PTPRG: variants seen among roughly 807,000 people sequenced by gnomAD.
PTPRG encodes the protein receptor-type tyrosine-protein phosphatase gamma.
Under a neutral mutation model 165.3 loss-of-function variants are expected in PTPRG, and 102 were observed. The ratio of observed to expected loss-of-function variants is 0.62; its 90% CI spans 0.53 to 0.73. The LOEUF is 0.73. PTPRG is among the 30% of genes least tolerant of loss of function. The pLI, the probability that PTPRG is intolerant of heterozygous loss-of-function variation, is 0.00. For synonymous variants in PTPRG, 675 were observed against 669.5 expected (o/e 1.01, Z -0.13); for missense variants, 1,866 against 1,861.4 (o/e 1.00, Z -0.05).
At chr3:62,189,553 G>A (rs978217515) in intron 8 of PTPRG, among the ~76,000 whole-genome samples, 4 of 152,122 alleles carry the variant, frequency 2.6e-5, no homozygotes, top group African/African-American at 9.7e-5. Flanking sequence ...AAACCAGAAG[G>A]TCCTCCTCAC....
At chr3:62,036,983 G>GCACACACA (rs10587372) in intron 4 of PTPRG, among the ~76,000 whole-genome samples, 2,740 of 150,540 alleles carry the variant, frequency 0.018, 23 homozygotes, top group African/African-American at 0.036. Flanking sequence ...GCGCGCGCAC[G>GCACACACA]CACACACACA....
At chr3:62,197,078 G>T (rs1017705866) in intron 10 of PTPRG, among the ~76,000 whole-genome samples, 1 of 152,208 alleles carries the variant, frequency 6.6e-6, no homozygotes, top group Non-Finnish European at 1.5e-5. Flanking sequence ...GGGTTCTGGA[G>T]TGAGGACCTC....
intron 1 of PTPRG, among the ~76,000 whole-genome samples, chr3:61,662,968 T>A (rs1702707757): frequency 6.6e-6 from 1 of 151,994 alleles, no homozygotes; most frequent in African/African-American, 2.4e-5. Context: ...GATATGACTG[T>A]TTTCTTTAGT....
intron 1 of PTPRG, among the ~76,000 whole-genome samples, chr3:61,733,748 C>T (rs1284458660): frequency 1.3e-5 from 2 of 152,076 alleles, no homozygotes; most frequent in South Asian, 2.1e-4. Context: ...GTCTCATTTC[C>T]CTGTTCCTTC....
chr3:61,694,421 A>G (rs546739694), intron 1 of PTPRG, among the ~76,000 whole-genome samples: 44 of 152,344 alleles, frequency 2.9e-4, no homozygotes, highest in African/African-American at 1.0e-3. Context: ...TATGGGTATG[A>G]ATAAAAGTAC....
At chr3:62,231,095 C>A (rs1011451448) in intron 13 of PTPRG, 130 bp from the exon 14 acceptor site, 7 of 600,520 alleles carry the variant, frequency 1.2e-5, no homozygotes, top group African/African-American at 1.9e-5. Flanking sequence ...TTGAAAATGT[C>A]ACAGATGAGG....
At chr3:62,193,190 C>T (rs948029276) in intron 9 of PTPRG, among the ~76,000 whole-genome samples, 1 of 152,134 alleles carries the variant, frequency 6.6e-6, no homozygotes, top group African/African-American at 2.4e-5. Context: ...ACCATCTAGG[C>T]GCTTATGCAG....
chr3:61,669,102 TG>T (rs1702893179), intron 1 of PTPRG, among the ~76,000 whole-genome samples: 1 of 152,106 alleles, frequency 6.6e-6, no homozygotes. Context: ...GGGCCTTGAG[TG>T]AAGGATGCTG....
At position 62,242,229 on chromosome 3, in the gene PTPRG, T is replaced by C. The variant is rs567120101; in HGVS notation, c.2376-1578T>C. ...ATGTAGCTTAAGTCTGACTAACTTA[T>C]GTTCTTCACAAATTTAGGTAAAGGC... On this transcript the variant is annotated intron_variant, in intron 14 of 29. Transcript: ENST00000474889. Among the ~76,000 whole-genome samples the C allele has an allele frequency of 4.3e-4, 66 of 152,376 alleles. 1 individual carries two copies. The South Asian group carries it at 5.6e-3, about 13-fold the overall frequency.
chr3:61,943,859 T>C (rs1299619962), intron 2 of PTPRG, among the ~76,000 whole-genome samples: 1 of 152,172 alleles, frequency 6.6e-6, no homozygotes, highest in East Asian at 1.9e-4. Context: ...ATAGAGGTCA[T>C]CACCCTCCCT....
In PTPRG at chr3:62,214,894, G is replaced by A. The variant is rs1056858549; in HGVS notation, c.2156-3957G>A. 6.6e-6 allele frequency among the ~76,000 whole-genome samples: 1 copy of A among 152,214 alleles called. No individual in the cohort carries two copies. The highest frequency in any genetic ancestry group is 6.5e-5 in the Admixed American group (1 of 15,288). ...ATCTCTGCTCTGCCCTTAAGAGATA[G>A]TACAAACTGGCGGCTTCGGGAAGCC... On this transcript the variant is annotated intron_variant, in intron 12 of 29. Transcript: ENST00000474889. This position sits in a 1 kb window ranked among gnomAD's most constrained non-coding sequence, Gnocchi z 5.2.
chr3:62,140,139 G>A (rs947753933), intron 6 of PTPRG, among the ~76,000 whole-genome samples: 1 of 152,132 alleles, frequency 6.6e-6, no homozygotes, highest in African/African-American at 2.4e-5. Context: ...AAAAGAAACC[G>A]GCCCCAGGAT....
intron 5 of PTPRG, among the ~76,000 whole-genome samples, chr3:62,126,915 C>A (rs989177292): frequency 6.6e-6 from 1 of 152,084 alleles, no homozygotes; most frequent in Non-Finnish European, 1.5e-5. Context: ...CACATTGCAG[C>A]AGTGATAAGA....
rs531362108 is a variant in PTPRG, at chr3:61,987,395, A to G, written c.191-2230A>G. 6.6e-5 allele frequency among the ~76,000 whole-genome samples: 10 copies of G among 152,308 alleles called. No individual in the cohort carries two copies. In the East Asian group the frequency reaches 1.5e-3, roughly 23 times the overall value. On this transcript the variant is annotated intron_variant, in intron 2 of 29. Transcript: ENST00000474889. Reference sequence around the variant, plus strand: ...TAGAGTGATAAATTGTATTTTACCCATGTCTGGAAGGTTATGAGAACTAAT... The same window carrying G: ...TAGAGTGATAAATTGTATTTTACCCGTGTCTGGAAGGTTATGAGAACTAAT...
chr3:62,038,768 T>C (rs1700030483), intron 4 of PTPRG, among the ~76,000 whole-genome samples: 2 of 152,128 alleles, frequency 1.3e-5, no homozygotes, highest in Admixed American at 1.3e-4. Flanking sequence ...TGGAGATATA[T>C]ATAGAGAGAT....
At chr3:62,191,192 T>C (rs527966671) in intron 8 of PTPRG, among the ~76,000 whole-genome samples, 10 of 150,710 alleles carry the variant, frequency 6.6e-5, no homozygotes, top group African/African-American at 2.4e-4. Flanking sequence ...TGCACATATG[T>C]GTATGTGCAT....
chr3:62,027,399 A>G (rs982578075), intron 4 of PTPRG, among the ~76,000 whole-genome samples: 3 of 151,944 alleles, frequency 2.0e-5, no homozygotes, highest in Non-Finnish European at 1.5e-5. Flanking sequence ...CCTCATTTCT[A>G]TTGCATTCCT....
chr3:61,844,436 C>T (rs2036745754), intron 2 of PTPRG, among the ~76,000 whole-genome samples: 1 of 152,152 alleles, frequency 6.6e-6, no homozygotes, highest in African/African-American at 2.4e-5. Context: ...ATATTTGTGA[C>T]ATACTTATCC....
In PTPRG at chr3:62,276,742, C is replaced by T. The variant is rs1702243851; in HGVS notation, c.3560-230C>T. On this transcript the variant is annotated intron_variant, in intron 24 of 29. Transcript: ENST00000474889. ...TGATCTGCTGTAAAAATCTCTCCCA[C>T]AGTAAAACTGTATTCCTACAATGCC... 3 of 508,774 alleles carry T rather than the reference C, an allele frequency of 5.9e-6. 1 individual carries two copies. Among genetic ancestry groups the T allele is most frequent in the South Asian group, 6.1e-5 (2 of 32,604 alleles). 31.5% of individuals were successfully genotyped at this position (508,774 alleles called of 1,614,324 possible). A position where few individuals can be genotyped will look rare whatever the true frequency, so the allele number is the denominator to read the frequency against.
Sources: allele counts gnomAD v4.1 joint callset (sites outside exome capture counted in the v4.1 genomes callset), GRCh38; gene constraint gnomAD v4.1.1; non-coding constraint Gnocchi (gnomAD v3.1); transcripts MANE v1.5; gene names NCBI Gene and HGNC (gene_info 2026-07-23, HGNC 2026-07-21).